Variants in OSBPL6 observed in about 807,000 individuals in gnomAD.
OSBPL6 encodes the protein oxysterol-binding protein-related protein 6.
In OSBPL6, 49 loss-of-function variants were observed where a neutral mutation model predicts 125.8. The ratio of observed to expected loss-of-function variants is 0.39; its 90% CI spans 0.31 to 0.49. OSBPL6 has a LOEUF of 0.49. Ranked by LOEUF, OSBPL6 falls within the 20% of genes least tolerant of loss-of-function variation. OSBPL6 has a pLI of 0.88. For synonymous variants in OSBPL6, 394 were observed against 391.8 expected, an observed-to-expected ratio of 1.01 and a Z score of -0.07; for missense variants, 986 against 1,135.4, an observed-to-expected ratio of 0.87 and a Z score of 1.89.
chr2:178,375,458 T>C (rs1222637735), intron 15 of OSBPL6, among the ~76,000 whole-genome samples: 1 of 152,196 alleles, frequency 6.6e-6, no homozygotes, highest in African/African-American at 2.4e-5. Flanking sequence ...GTTTCGCTCT[T>C]GTTGCCCGGG....
chr2:178,391,476 G>T (rs1695401695), intron 22 of OSBPL6, among the ~76,000 whole-genome samples: 1 of 152,182 alleles, frequency 6.6e-6, no homozygotes, highest in Non-Finnish European at 1.5e-5. Flanking sequence ...ATGAAAAATT[G>T]CTCAAAGTGT....
Position 178,331,603 on chromosome 2 carries a change from G to T in OSBPL6, c.370G>T (p.Asp124Tyr). 1 of 1,613,994 alleles carries T rather than the reference G, an allele frequency of 6.2e-7. No homozygotes were observed. Among genetic ancestry groups the T allele is most frequent in the Non-Finnish European group, 8.5e-7 (1 of 1,179,928 alleles). The change falls in exon 6 of 25, where the codon GAT becomes TAT. Residue 124 changes from aspartate (D) to tyrosine (Y), a missense_variant and splice_region_variant. Asp to Tyr is a radical substitution (Grantham distance 160). This residue lies in a region of OSBPL6 where 843 missense variants were observed against 997.3 expected (regional missense o/e 0.85). Coordinates refer to ENST00000190611, the MANE Select transcript of OSBPL6 (RefSeq NM_032523.4). ...GMLKYSKAPLDIQKGKVHGSI... is the reference protein window; with the variant it reads ...GMLKYSKAPLYIQKGKVHGSI... ...GTTAAAGTATTCAAAGGCACCACTC[G>T]ATGTAAGTAGCACACAGGACATGTT...
chr2:178,272,721 G>A (rs2092396848), intron 1 of OSBPL6, among the ~76,000 whole-genome samples: 2 of 152,282 alleles, frequency 1.3e-5, no homozygotes, highest in South Asian at 2.1e-4. Context: ...CTGAGTGCAG[G>A]TACTTGTCCA....
intron 11 of OSBPL6, among the ~76,000 whole-genome samples, chr2:178,344,666 T>TG (rs1491427411): frequency 2.2e-5 from 2 of 92,580 alleles, no homozygotes; most frequent in East Asian, 4.1e-4. Context: ...TAAATTATAT[T>TG]GTTTTTTTTT....
At chr2:178,208,044 G>A (rs1157878016) in intron 1 of OSBPL6, among the ~76,000 whole-genome samples, 1 of 152,122 alleles carries the variant, frequency 6.6e-6, no homozygotes, top group Non-Finnish European at 1.5e-5. Context: ...CAGCACTTCG[G>A]GAGGTCAAGG....
At chr2:178,215,677 A>G (rs1361778034) in intron 1 of OSBPL6, among the ~76,000 whole-genome samples, 1 of 151,876 alleles carries the variant, frequency 6.6e-6, no homozygotes, top group Non-Finnish European at 1.5e-5. Context: ...TGGTGAAGTA[A>G]GGGAAGGGAG....
chr2:178,374,276 T>C (rs1693667784), intron 15 of OSBPL6, among the ~76,000 whole-genome samples: 1 of 152,216 alleles, frequency 6.6e-6, no homozygotes, highest in East Asian at 1.9e-4. Flanking sequence ...CCAACATTTA[T>C]TGGAGTGTCT....
chr2:178,305,254 C>A (rs974511588), intron 2 of OSBPL6, among the ~76,000 whole-genome samples: 1 of 152,100 alleles, frequency 6.6e-6, no homozygotes, highest in African/African-American at 2.4e-5. Context: ...TAGTGCTTAC[C>A]TTTTAACATT....
intron 2 of OSBPL6, among the ~76,000 whole-genome samples, chr2:178,305,631 C>A (rs1164735787): frequency 6.6e-6 from 1 of 152,248 alleles, no homozygotes; most frequent in Non-Finnish European, 1.5e-5. Flanking sequence ...CCGTCACATA[C>A]ATGACATAGC....
At chr2:178,310,654 T>A (rs1317249652) in intron 3 of OSBPL6, among the ~76,000 whole-genome samples, 1 of 151,896 alleles carries the variant, frequency 6.6e-6, no homozygotes, top group Non-Finnish European at 1.5e-5. Context: ...CCTGACCTCA[T>A]GATCCGCCCA....
intron 13 of OSBPL6, among the ~76,000 whole-genome samples, chr2:178,365,767 T>G (rs1692769423): frequency 6.6e-6 from 1 of 152,200 alleles, no homozygotes; most frequent in Non-Finnish European, 1.5e-5. Context: ...CCATGAAACT[T>G]AAACTTTCAC....
rs372682384 is a variant in OSBPL6 at position 178,361,752 on chromosome 2, C to T, written c.1224C>T (p.Ser408=). Residue 408 remains serine (S), a synonymous_variant, in exon 13 of 25, where the codon TCC becomes TCT. Coordinates refer to ENST00000190611, the MANE Select transcript of OSBPL6 (RefSeq NM_032523.4). ...IEKEKLKQMV[S]EQDHSKGHST... The stretch of plus-strand genomic sequence containing the variant: ...AGGAGAAGCTGAAGCAGATGGTTTC[C>T]GAGCAGGATCACAGTAAAGGCCACA... The T allele has an allele frequency of 1.1e-5, 18 of 1,614,074 alleles. No individual in the cohort carries two copies. Among genetic ancestry groups the T allele is most frequent in the Middle Eastern group, 1.7e-4 (1 of 6,060 alleles).
chr2:178,322,268 T>C (rs927567125), intron 3 of OSBPL6, among the ~76,000 whole-genome samples: 20 of 152,180 alleles, frequency 1.3e-4, no homozygotes, highest in African/African-American at 4.8e-4. Context: ...CAGTTGGTGA[T>C]GTATCTGTGT....
chr2:178,389,727 G>A (rs1695244061), intron 21 of OSBPL6, among the ~76,000 whole-genome samples: 3 of 152,126 alleles, frequency 2.0e-5, no homozygotes, highest in Admixed American at 1.3e-4. Context: ...AGTTTCTCTG[G>A]TCTGAAGTGG....
chr2:178,258,832 T>A (rs1205522520), intron 1 of OSBPL6, among the ~76,000 whole-genome samples: 1 of 152,144 alleles, frequency 6.6e-6, no homozygotes, highest in Non-Finnish European at 1.5e-5. Flanking sequence ...TCTCTGTATG[T>A]GTTCTTTTGT....
At chr2:178,390,974 TA>T in intron 21 of OSBPL6, 98 bp from the exon 22 acceptor site, 1 of 1,470,510 alleles carries the variant, frequency 6.8e-7, no homozygotes, top group Non-Finnish European at 9.3e-7. Flanking sequence ...ATGGTTTGAA[TA>T]AGGGACTTCA....
At chr2:178,355,677 A>G (rs2154094268) in intron 12 of OSBPL6, among the ~76,000 whole-genome samples, 1 of 152,342 alleles carries the variant, frequency 6.6e-6, no homozygotes, top group East Asian at 1.9e-4. Flanking sequence ...AGCTGGTACC[A>G]TTCCTTCTGA....
intron 13 of OSBPL6, 44 bp from the exon 14 acceptor site, chr2:178,372,082 G>C (rs1192884397): frequency 7.1e-7 from 1 of 1,411,462 alleles, no homozygotes; most frequent in Non-Finnish European, 1.0e-6. Flanking sequence ...TTTTATGCTT[G>C]CTTATTAATT....
rs1467378862 is a variant in OSBPL6 at position 178,387,097 on chromosome 2, T to C, written c.2114T>C (p.Met705Thr). The C allele has an allele frequency of 3.1e-6, 5 of 1,612,668 alleles. No homozygotes were observed. In the African/African-American group the frequency reaches 4.0e-5, roughly 13 times the overall value. ...AAAAACAAGTTCTGGGGGAAGTCGA[T>C]GGAAATCCTGCCTGTTGGAACACTG... The part of the protein sequence containing the change: ...RWKNKFWGKS[M>T]EILPVGTLNV... Residue 705 changes from methionine (M) to threonine (T), a missense_variant, in exon 20 of 25, where the codon ATG (methionine) becomes ACG (threonine). By Grantham distance (81) the Met-to-Thr change is moderately conservative. Transcript: ENST00000190611.
Sources: allele counts gnomAD v4.1 joint callset (sites outside exome capture counted in the v4.1 genomes callset), GRCh38; gene constraint gnomAD v4.1.1; regional missense constraint gnomAD v4.1.1; transcripts MANE v1.5; gene names NCBI Gene and HGNC (gene_info 2026-07-23, HGNC 2026-07-21).